Variants in UNC13C observed in about 807,000 individuals in gnomAD.
The protein encoded by UNC13C is unc-13 homolog C.
In UNC13C, 174 loss-of-function variants were observed where a neutral mutation model predicts 245.4. The observed-to-expected ratio is 0.71, with a 90% confidence interval of 0.63 to 0.80. UNC13C has a LOEUF of 0.80. Among genes scored for constraint, UNC13C ranks in the 30% least tolerant of loss-of-function variants. The pLI is 0.00. For missense variants in UNC13C, 2,829 were observed against 2,602.9 expected (o/e 1.09, Z -1.89); for synonymous variants, 992 against 895.1 (o/e 1.11, Z -1.93).
At chr15:54,336,256 A>T (rs2038572121) in intron 16 of UNC13C, among the ~76,000 whole-genome samples, 1 of 152,060 alleles carries the variant, frequency 6.6e-6, no homozygotes, top group African/African-American at 2.4e-5. Context: ...TAGCTAATTA[A>T]CGTATGCATT....
At chr15:54,345,189 T>G (rs1232678201) in intron 17 of UNC13C, among the ~76,000 whole-genome samples, 1 of 152,200 alleles carries the variant, frequency 6.6e-6, no homozygotes, top group Admixed American at 6.5e-5. Flanking sequence ...CCCTGCTTTT[T>G]ATGACAGAGA....
At chr15:54,280,820 C>T (rs2036975386) in intron 10 of UNC13C, among the ~76,000 whole-genome samples, 1 of 149,772 alleles carries the variant, frequency 6.7e-6, no homozygotes, top group African/African-American at 2.5e-5. Context: ...AAAATTGTGA[C>T]AGAGTCTCAC....
chr15:54,382,532 G>A (rs1046540541), intron 17 of UNC13C, among the ~76,000 whole-genome samples: 3 of 151,992 alleles, frequency 2.0e-5, no homozygotes, highest in African/African-American at 7.3e-5. Flanking sequence ...AGCCAACATT[G>A]AGCCGTTGCC....
intron 2 of UNC13C, among the ~76,000 whole-genome samples, chr15:54,063,983 C>A (rs1321365988): frequency 1.3e-5 from 2 of 152,054 alleles, no homozygotes; most frequent in Non-Finnish European, 2.9e-5. Flanking sequence ...TAAGATTTGG[C>A]CCACAACCAG....
chr15:54,333,831 C>A lies in UNC13C; in HGVS notation c.4559C>A (p.Thr1520Lys). 6.2e-7 allele frequency: 1 copy of A among 1,604,914 alleles called. No homozygotes were observed. The highest frequency in any genetic ancestry group is 8.5e-7 in the Non-Finnish European group (1 of 1,175,054). The change falls in exon 16 of 33, where the codon ACA (threonine) becomes AAA (lysine). Residue 1520 changes from threonine (T) to lysine (K), a missense_variant. Thr to Lys is a moderately conservative substitution (Grantham distance 78, BLOSUM62 -1). Transcript: ENST00000260323. ...QDLKSTVDLLTSITFFRMKVL... is the reference protein window; with the variant it reads ...QDLKSTVDLLKSITFFRMKVL... ...CTGAAATCAACTGTTGACCTGTTAACAAGTATCACCTTTTTTAGGATGAAG... is the reference window on the plus strand; with the variant it reads ...CTGAAATCAACTGTTGACCTGTTAAAAAGTATCACCTTTTTTAGGATGAAG...
chr15:53,967,947 C>A, the UNC13C span: 8 of 152,056 alleles, frequency 5.3e-5, no homozygotes, highest in East Asian at 1.5e-3. Flanking sequence ...ATCTGTAGAT[C>A]TCAAAATATT....
intron 17 of UNC13C, among the ~76,000 whole-genome samples, chr15:54,389,089 A>G (rs915515572): frequency 6.6e-6 from 1 of 152,176 alleles, no homozygotes; most frequent in Non-Finnish European, 1.5e-5. Flanking sequence ...CTGACATGAC[A>G]CACAAAACTT....
chr15:54,075,747 C>T (rs1308164230), intron 2 of UNC13C, among the ~76,000 whole-genome samples: 1 of 152,030 alleles, frequency 6.6e-6, no homozygotes, highest in East Asian at 1.9e-4. Flanking sequence ...GAAAATAACT[C>T]ATGCATAATT....
intron 17 of UNC13C, among the ~76,000 whole-genome samples, chr15:54,348,447 G>T (rs113998563): frequency 6.6e-6 from 1 of 152,068 alleles, no homozygotes; most frequent in South Asian, 2.1e-4. Flanking sequence ...TGAATTTGTA[G>T]CATATAACAC....
intron 19 of UNC13C, among the ~76,000 whole-genome samples, chr15:54,449,005 A>T (rs1278877365): frequency 2.0e-5 from 3 of 152,266 alleles, no homozygotes; most frequent in African/African-American, 7.2e-5. Flanking sequence ...GCTTGTCTGT[A>T]AAGGATTTTA....
intron 10 of UNC13C, among the ~76,000 whole-genome samples, chr15:54,281,996 G>C (rs2037009294): frequency 6.6e-6 from 1 of 152,126 alleles, no homozygotes; most frequent in Non-Finnish European, 1.5e-5. Flanking sequence ...GTCTCAGCAG[G>C]TGGTTTCTTT....
chr15:54,034,849 G>T (rs1405080997), intron 2 of UNC13C, among the ~76,000 whole-genome samples: 2 of 152,158 alleles, frequency 1.3e-5, no homozygotes, highest in African/African-American at 4.8e-5. Context: ...TATCACAAAA[G>T]ATTTTAAACC....
At chr15:54,107,800 A>G (rs1014532456) in intron 2 of UNC13C, among the ~76,000 whole-genome samples, 1 of 152,230 alleles carries the variant, frequency 6.6e-6, no homozygotes, top group Admixed American at 6.5e-5. Flanking sequence ...ATGAGAATAG[A>G]TTAGGTCATC....
chr15:54,374,929 T>C (rs12442201), intron 17 of UNC13C, among the ~76,000 whole-genome samples: 9,828 of 152,326 alleles, frequency 0.065, 541 homozygotes, highest in East Asian at 0.22. Context: ...TGATCATTTA[T>C]TTGTACTGCT....
At chr15:54,166,167 A>T (rs2033155701) in intron 4 of UNC13C, among the ~76,000 whole-genome samples, 1 of 151,964 alleles carries the variant, frequency 6.6e-6, no homozygotes, top group South Asian at 2.1e-4. Context: ...TATTTTACTA[A>T]ATCTATCCAT....
At chr15:54,422,904 A>C (rs1458141496) in intron 19 of UNC13C, among the ~76,000 whole-genome samples, 1 of 150,928 alleles carries the variant, frequency 6.6e-6, no homozygotes, top group Admixed American at 6.6e-5. Context: ...CTGTTTGTAC[A>C]TGTTTTGGTC....
chr15:54,598,351 T>G (rs538528070), intron 30 of UNC13C, among the ~76,000 whole-genome samples: 79 of 152,328 alleles, frequency 5.2e-4, no homozygotes, highest in East Asian at 1.4e-3. Flanking sequence ...CACCTCGGCC[T>G]CCCAAAGTGC....
At position 54,015,836 on chromosome 15, in the gene UNC13C, G is replaced by A. The variant is rs1381525361; in HGVS notation, c.2933G>A (p.Arg978Lys). The A allele has an allele frequency of 6.2e-7, 1 of 1,606,518 alleles. No individual in the cohort carries two copies. ...CCTTCTTTCAAAGAAGCAGCTTTAA[G>A]GGCCTATAAAAAGCAAATGGCAGAG... ...IRPSFKEAAL[R>K]AYKKQMAELE... Residue 978 changes from arginine to lysine, a missense_variant, in exon 2 of 33, where the codon AGG becomes AAG. Arg to Lys is a conservative substitution (Grantham distance 26, BLOSUM62 2). Coordinates refer to ENST00000260323, the MANE Select transcript of UNC13C (RefSeq NM_001080534.3).
chr15:53,911,597 C>T, the UNC13C span: 1 of 152,180 alleles, frequency 6.6e-6, no homozygotes, highest in Admixed American at 6.5e-5. Flanking sequence ...CACAACTCAC[C>T]CTTCCCTTCA....
Sources: gnomAD v4.1 joint callset for allele counts (sites outside exome capture counted in the v4.1 genomes callset) on GRCh38, gnomAD v4.1.1 for gene constraint, MANE v1.5 for transcripts, NCBI Gene and HGNC (gene_info 2026-07-23, HGNC 2026-07-21) for gene names.